MAGI2: variants seen among roughly 807,000 people sequenced by gnomAD.
The protein encoded by MAGI2 is membrane associated guanylate kinase, WW and PDZ domain containing 2.
MAGI2 carries 35 observed loss-of-function variants against 133.3 expected under a neutral mutation model. The ratio of observed to expected loss-of-function variants is 0.26; its 90% CI spans 0.20 to 0.35. The LOEUF is 0.35. Ranked by LOEUF, MAGI2 falls within the 10% of genes least tolerant of loss-of-function variation. The probability of loss-of-function intolerance (pLI) is 1.00; values close to 1 mark genes in which losing one functional copy is unlikely to be tolerated. For missense variants in MAGI2, 1,636 were observed against 1,863.4 expected, an observed-to-expected ratio of 0.88 and a Z score of 2.25; for synonymous variants, 729 against 710.6, an observed-to-expected ratio of 1.03 and a Z score of -0.41.
intron 12 of MAGI2, among the ~76,000 whole-genome samples, chr7:78,191,119 C>G (rs1024845225): frequency 2.0e-5 from 3 of 152,068 alleles, no homozygotes; most frequent in African/African-American, 7.2e-5. Flanking sequence ...ATATGAAGAT[C>G]CAGAAGGCCC....
intron 2 of MAGI2, among the ~76,000 whole-genome samples, chr7:78,743,482 T>C (rs6951046): frequency 0.61 from 92,927 of 152,038 alleles, 28,849 homozygotes; most frequent in African/African-American, 0.7. Flanking sequence ...TAAGTGTTCT[T>C]TCTTTTGTGC....
chr7:79,213,254 GTA>G (rs1029797012), intron 1 of MAGI2, among the ~76,000 whole-genome samples: 91 of 139,856 alleles, frequency 6.5e-4, no homozygotes, highest in Non-Finnish European at 1.0e-3. Flanking sequence ...ATGTGGGTGT[GTA>G]TATATATATG....
chr7:78,077,356 G>T (rs1815431801), intron 21 of MAGI2, among the ~76,000 whole-genome samples: 1 of 151,784 alleles, frequency 6.6e-6, no homozygotes, highest in Admixed American at 6.6e-5. Context: ...TTTACAAAGG[G>T]ATTAATGCTG....
intron 1 of MAGI2, among the ~76,000 whole-genome samples, chr7:79,273,018 T>G (rs1385516233): frequency 6.6e-6 from 1 of 152,124 alleles, no homozygotes; most frequent in African/African-American, 2.4e-5. Context: ...TCCAAATTTC[T>G]GGAGGTTTTT....
chr7:79,127,457 A>G (rs1003548361), intron 1 of MAGI2, among the ~76,000 whole-genome samples: 2 of 151,940 alleles, frequency 1.3e-5, no homozygotes, highest in East Asian at 1.9e-4. Context: ...CCTCTCCAGC[A>G]CCTGTTGTTT....
chr7:79,220,147 G>A (rs991468469), intron 1 of MAGI2, among the ~76,000 whole-genome samples: 4 of 151,964 alleles, frequency 2.6e-5, no homozygotes, highest in African/African-American at 9.7e-5. Context: ...CATATTTACA[G>A]CACTCTTTTG....
chr7:78,464,280 C>T (rs960995689), intron 6 of MAGI2, among the ~76,000 whole-genome samples: 4 of 152,154 alleles, frequency 2.6e-5, no homozygotes, highest in Non-Finnish European at 1.5e-5. Flanking sequence ...CTCTGCGACA[C>T]TCCAAGAATT....
At chr7:78,435,181 TAA>T (rs1306632569) in intron 6 of MAGI2, among the ~76,000 whole-genome samples, 2 of 152,008 alleles carry the variant, frequency 1.3e-5, no homozygotes, top group Non-Finnish European at 2.9e-5. Context: ...TTGGGAGAAT[TAA>T]AAAGAGAGAA....
chr7:78,529,622 T>G (rs1797265931), intron 3 of MAGI2, among the ~76,000 whole-genome samples: 1 of 150,864 alleles, frequency 6.6e-6, no homozygotes, highest in Admixed American at 6.6e-5. Flanking sequence ...TATATGGAAT[T>G]TAAATTTTTT....
At chr7:78,178,598 G>GTGTGTT (rs958801796) in intron 13 of MAGI2, among the ~76,000 whole-genome samples, 9 of 152,156 alleles carry the variant, frequency 5.9e-5, no homozygotes, top group African/African-American at 2.2e-4. Flanking sequence ...GTGTGTGTGT[G>GTGTGTT]TGTGTGTGTG....
chr7:79,097,817 A>C (rs1473050543), intron 1 of MAGI2, among the ~76,000 whole-genome samples: 1 of 152,152 alleles, frequency 6.6e-6, no homozygotes, highest in Non-Finnish European at 1.5e-5. Context: ...TTTCAGAAAA[A>C]TTCCTTAAAA....
intron 6 of MAGI2, among the ~76,000 whole-genome samples, chr7:78,445,005 T>C (rs7795283): frequency 0.11 from 17,101 of 151,586 alleles, 1,137 homozygotes; most frequent in African/African-American, 0.19. Flanking sequence ...CAAATTCCCC[T>C]GTCTTGATAC....
intron 6 of MAGI2, among the ~76,000 whole-genome samples, chr7:78,377,581 A>T (rs941579906): frequency 6.6e-6 from 1 of 151,698 alleles, no homozygotes; most frequent in African/African-American, 2.4e-5. Flanking sequence ...GGAAAAAAGT[A>T]TGAGGTGAAT....
intron 6 of MAGI2, among the ~76,000 whole-genome samples, chr7:78,430,879 A>C (rs2151430957): frequency 6.6e-6 from 1 of 152,246 alleles, no homozygotes; most frequent in African/African-American, 2.4e-5. Flanking sequence ...TCAATTCTCT[A>C]AGTCCAACAG....
At chr7:79,427,231 T>C (rs1847442621) in intron 1 of MAGI2, among the ~76,000 whole-genome samples, 1 of 152,096 alleles carries the variant, frequency 6.6e-6, no homozygotes, top group African/African-American at 2.4e-5. Context: ...ATATCTAAAC[T>C]TGAAGATTCT....
chr7:78,421,480 G>A (rs1798790957), intron 6 of MAGI2, among the ~76,000 whole-genome samples: 1 of 152,166 alleles, frequency 6.6e-6, no homozygotes, highest in Non-Finnish European at 1.5e-5. Flanking sequence ...GTTAGCATGA[G>A]ATTATTTTCG....
chr7:78,170,454 A>T (rs998477639), intron 14 of MAGI2: 1 of 152,234 alleles, frequency 6.6e-6, no homozygotes, highest in African/African-American at 2.4e-5. Flanking sequence ...CCCCTCATTA[A>T]TTCATTTATT....
chr7:79,050,384 T>C (rs1028282241), intron 1 of MAGI2, among the ~76,000 whole-genome samples: 1 of 152,130 alleles, frequency 6.6e-6, no homozygotes, highest in African/African-American at 2.4e-5. Flanking sequence ...TAAATTCTTC[T>C]TTTTTCTGTT....
At chr7:78,606,865 GT>G (rs1805870570) in intron 3 of MAGI2, among the ~76,000 whole-genome samples, 2 of 151,974 alleles carry the variant, frequency 1.3e-5, no homozygotes, top group South Asian at 4.1e-4. Flanking sequence ...CTGTGTATCT[GT>G]TTTTCATCTA....
Sources: allele counts gnomAD v4.1 joint callset (sites outside exome capture counted in the v4.1 genomes callset), GRCh38; gene constraint gnomAD v4.1.1; transcripts MANE v1.5; gene names NCBI Gene and HGNC (gene_info 2026-07-23, HGNC 2026-07-21).